Variants in SETBP1 observed in about 807,000 individuals in gnomAD.
SETBP1 encodes the protein SET-binding protein.
Under a neutral mutation model 101.0 loss-of-function variants are expected in SETBP1, and 9 were observed. The observed-to-expected ratio is 0.09, with a 90% CI of 0.05 to 0.16. The LOEUF (loss-of-function observed/expected upper bound fraction) is 0.16. Ranked by LOEUF, SETBP1 falls within the 10% of genes least tolerant of loss-of-function variation. The pLI is 1.00. For synonymous variants in SETBP1, 818 were observed against 788.5 expected (o/e 1.04, Z -0.63); for missense variants, 1,858 against 2,033.8 (o/e 0.91, Z 1.66).
chr18:44,862,303 T>C (rs2069031528), intron 2 of SETBP1, among the ~76,000 whole-genome samples: 1 of 152,230 alleles, frequency 6.6e-6, no homozygotes, highest in Non-Finnish European at 1.5e-5. Context: ...ATGTACAAAG[T>C]TATTATTAGT....
chr18:44,695,400 T>G (rs1200088205), intron 1 of SETBP1, among the ~76,000 whole-genome samples: 1 of 152,148 alleles, frequency 6.6e-6, no homozygotes, highest in African/African-American at 2.4e-5. Context: ...AATTCTAACA[T>G]AATGAAAAAG....
chr18:44,759,137 A>C (rs12373476), intron 2 of SETBP1, among the ~76,000 whole-genome samples: 30,045 of 152,116 alleles, frequency 0.2, 3,261 homozygotes, highest in Non-Finnish European at 0.25. Context: ...GGCAAGGGGA[A>C]AATATTTCAG....
chr18:44,686,938 T>C (rs1024748834), intron 1 of SETBP1, among the ~76,000 whole-genome samples: 6 of 152,218 alleles, frequency 3.9e-5, no homozygotes, highest in Non-Finnish European at 8.8e-5. Flanking sequence ...TGGAGTCTCA[T>C]TGTGACTCTA....
At chr18:45,047,969 A>G (rs889141808) in intron 5 of SETBP1, among the ~76,000 whole-genome samples, 44 of 152,182 alleles carry the variant, frequency 2.9e-4, no homozygotes, top group African/African-American at 1.0e-3. Flanking sequence ...TTCAATTGGA[A>G]CAGACTAGAC....
At chr18:44,839,427 C>T (rs1367894619) in intron 2 of SETBP1, among the ~76,000 whole-genome samples, 1 of 152,076 alleles carries the variant, frequency 6.6e-6, no homozygotes, top group East Asian at 1.9e-4. Flanking sequence ...GCTGCTGCTG[C>T]TGCTGCGAGG....
chr18:44,809,663 T>C (rs1374210284), intron 2 of SETBP1, among the ~76,000 whole-genome samples: 1 of 152,176 alleles, frequency 6.6e-6, no homozygotes, highest in Non-Finnish European at 1.5e-5. Flanking sequence ...ATAAGAGCTC[T>C]GGTCTCATTG....
intron 2 of SETBP1, among the ~76,000 whole-genome samples, chr18:44,772,618 C>G (rs2070898245): frequency 6.6e-6 from 1 of 152,150 alleles, no homozygotes; most frequent in South Asian, 2.1e-4. Context: ...CTTGGTCATC[C>G]TCCCAAGTAA....
intron 2 of SETBP1, among the ~76,000 whole-genome samples, chr18:44,824,352 A>T (rs1008801306): frequency 6.6e-6 from 1 of 152,096 alleles, no homozygotes; most frequent in African/African-American, 2.4e-5. Flanking sequence ...CTGCTTATTT[A>T]CTGCACATAA....
At chr18:44,946,167 A>C (rs1385323410) in intron 3 of SETBP1, among the ~76,000 whole-genome samples, 1 of 152,102 alleles carries the variant, frequency 6.6e-6, no homozygotes, top group Admixed American at 6.5e-5. Flanking sequence ...GAAGATCTTA[A>C]AGCACCATTC....
intron 2 of SETBP1, among the ~76,000 whole-genome samples, chr18:44,835,956 G>A (rs1220206042): frequency 6.6e-6 from 1 of 152,226 alleles, no homozygotes; most frequent in Non-Finnish European, 1.5e-5. Context: ...AGCTTTCTTG[G>A]AATTAAGGCC....
At chr18:44,913,495 A>T (rs1388307628) in intron 3 of SETBP1, among the ~76,000 whole-genome samples, 2 of 152,238 alleles carry the variant, frequency 1.3e-5, no homozygotes, top group Non-Finnish European at 2.9e-5. Context: ...GGCCAGCTTC[A>T]CAGAAGGCAG....
intron 5 of SETBP1, among the ~76,000 whole-genome samples, chr18:45,048,585 A>T (rs2073658620): frequency 6.6e-6 from 1 of 152,130 alleles, no homozygotes; most frequent in Non-Finnish European, 1.5e-5. Flanking sequence ...AGCTCATCTT[A>T]TTCAAACATC....
chr18:44,897,268 G>A (rs896993560), intron 3 of SETBP1, among the ~76,000 whole-genome samples: 1 of 152,108 alleles, frequency 6.6e-6, no homozygotes, highest in African/African-American at 2.4e-5. Flanking sequence ...CCTATCCCAC[G>A]CTGTCAGCTG....
intron 2 of SETBP1, among the ~76,000 whole-genome samples, chr18:44,800,058 T>C (rs2071571893): frequency 6.6e-6 from 1 of 152,166 alleles, no homozygotes; most frequent in Admixed American, 6.5e-5. Context: ...AGTTAATATT[T>C]ACTCCCCTTT....
At chr18:44,969,121 T>G (rs898389312) in intron 4 of SETBP1, among the ~76,000 whole-genome samples, 2 of 152,160 alleles carry the variant, frequency 1.3e-5, no homozygotes, top group African/African-American at 4.8e-5. Flanking sequence ...TCTCCTCATA[T>G]CCACTGAAAT....
intron 2 of SETBP1, among the ~76,000 whole-genome samples, chr18:44,786,810 AG>A (rs2071247781): frequency 6.6e-6 from 1 of 152,112 alleles, no homozygotes. Flanking sequence ...GGACCTAAGG[AG>A]GGAGGGGTTG....
intron 1 of SETBP1, chr18:44,697,289 G>A (rs1400095176): frequency 4.6e-5 from 7 of 152,306 alleles, no homozygotes; most frequent in Admixed American, 6.5e-5. Flanking sequence ...TACGTGCTGG[G>A]AAGGAAGCTA....
At chr18:44,680,295 T>C (rs2068737390), upstream of SETBP1, 1 of 149,534 alleles carries the variant, frequency 6.7e-6, no homozygotes, top group South Asian at 2.1e-4. Context: ...CTCATCGCCA[T>C]GGAGTTGCCG....
intron 4 of SETBP1, among the ~76,000 whole-genome samples, chr18:45,019,799 T>A (rs2073019527): frequency 6.6e-6 from 1 of 152,228 alleles, no homozygotes; most frequent in South Asian, 2.1e-4. Flanking sequence ...GAATTTTTTT[T>A]TATACCTTTA....
Sources: allele counts gnomAD v4.1 joint callset (sites outside exome capture counted in the v4.1 genomes callset), GRCh38; gene constraint gnomAD v4.1.1; transcripts MANE v1.5; gene names NCBI Gene and HGNC (gene_info 2026-07-23, HGNC 2026-07-21).